The following TANGO2 variants were observed in gnomAD, a reference collection of about 807,000 sequenced individuals.
TANGO2 encodes the protein transport and Golgi organization protein 2 homolog.
Under a neutral mutation model 39.1 loss-of-function variants are expected in TANGO2, and 26 were observed. That is an observed-to-expected ratio of 0.67 (90% CI 0.49 to 0.92). The LOEUF (loss-of-function observed/expected upper bound fraction) is 0.92. Among genes scored for constraint, TANGO2 ranks in the 40% least tolerant of loss-of-function variants. TANGO2 has a pLI of 0.00. For missense variants in TANGO2, 326 were observed against 360.1 expected (o/e 0.91, Z 0.77); for synonymous variants, 131 against 144.5 (o/e 0.91, Z 0.67).
intron 3 of TANGO2, among the ~76,000 whole-genome samples, chr22:20,051,865 G>A (rs1013164974): frequency 6.6e-6 from 1 of 152,208 alleles, no homozygotes; most frequent in Non-Finnish European, 1.5e-5. Context: ...AATAAAAAAT[G>A]AAATAAAATA....
intron 1 of TANGO2, among the ~76,000 whole-genome samples, chr22:20,032,336 C>G (rs528988643): frequency 8.1e-4 from 123 of 152,382 alleles, no homozygotes; most frequent in African/African-American, 2.9e-3. Context: ...TGCAGGCTGC[C>G]CTGGTGGTCT....
rs145875409 is a variant in TANGO2, at chr22:20,056,283, C to T, written c.451+270C>T. ...TCCCACCGCAGCCCTGCAGCCCAGC[C>T]GGCCACCCCCAGCCTCACTTCCTGT... On this transcript the variant is annotated intron_variant, in intron 6 of 8. Transcript: ENST00000327374. 747 of 652,620 alleles carry T rather than the reference C, an allele frequency of 1.1e-3. 3 individuals are homozygous for T. In the Middle Eastern group the frequency reaches 0.014, roughly 13 times the overall value. 40.4% of individuals were successfully genotyped at this position (652,620 alleles called of 1,614,324 possible).
Position 20,064,633 on chromosome 22 carries a change from A to G in TANGO2, c.802A>G (p.Arg268Gly). The change falls in exon 9 of 9, where the codon AGA (arginine) becomes GGA (glycine). Residue 268 changes from arginine (R) to glycine (G), a missense_variant. Physicochemically the swap from Arg to Gly is moderately radical, Grantham distance 125. Transcript: ENST00000327374. ...MDKDLSHWET[R>G]TYEFTLQS is the part of the protein sequence containing the mutation. ...CAAGGACCTCTCCCACTGGGAGACC[A>G]GAACCTATGAGTTCACACTGCAGAG... 3.7e-6 allele frequency: 6 copies of G among 1,614,194 alleles called. No homozygotes were observed. Among genetic ancestry groups the G allele is most frequent in the Non-Finnish European group, 5.1e-6 (6 of 1,180,006 alleles).
At chr22:20,022,682 T>C (rs1394012431) in intron 1 of TANGO2, among the ~76,000 whole-genome samples, 1 of 152,264 alleles carries the variant, frequency 6.6e-6, no homozygotes, top group Non-Finnish European at 1.5e-5. Flanking sequence ...AACTTGATCC[T>C]GTGCCCGGCT....
upstream of TANGO2, among the ~76,000 whole-genome samples, chr22:20,017,812 A>G (rs115340056): frequency 6.6e-6 from 1 of 152,158 alleles, no homozygotes; most frequent in South Asian, 2.1e-4. Context: ...GTAGGGGGGA[A>G]CCAGCAGGGA....
In TANGO2 at chr22:20,033,260, C is replaced by T. The variant is rs118069980; in HGVS notation, c.-39-3500C>T. On this transcript the variant is annotated intron_variant, in intron 1 of 8. Transcript: ENST00000327374. ...GTCGAGGCCACAGCCCTTGGCTCTG[C>T]GCCCACACCTCCAGTGCCAGGCTGT... 687 of 523,540 alleles carry T rather than the reference C, an allele frequency of 1.3e-3. 2 individuals carry two copies. In the East Asian group the frequency reaches 0.022, roughly 17 times the overall value. 32.4% of individuals were successfully genotyped at this position (523,540 alleles called of 1,614,324 possible). A position where few individuals can be genotyped will look rare whatever the true frequency, so the allele number is the denominator to read the frequency against.
chr22:20,036,899 G>A, intron 2 of TANGO2, 45 bp downstream of exon 2: 1 of 1,614,232 alleles, frequency 6.2e-7, no homozygotes, highest in Non-Finnish European at 8.5e-7. Flanking sequence ...AGGGTCCTGG[G>A]TGCCCAGCCA....
chr22:20,021,648 C>A (rs948584985), intron 1 of TANGO2, among the ~76,000 whole-genome samples: 2 of 152,340 alleles, frequency 1.3e-5, no homozygotes, highest in Admixed American at 1.3e-4. Context: ...CGCCTGGATG[C>A]GGCCTTCCTG....
chr22:20,063,730 C>G (rs1180484716), intron 8 of TANGO2: 1 of 373,348 alleles, frequency 2.7e-6, no homozygotes, highest in East Asian at 4.4e-5. Flanking sequence ...CGCCCCGGCA[C>G]CATGGCACTA....
intron 1 of TANGO2, among the ~76,000 whole-genome samples, chr22:20,033,965 G>T (rs2042353670): frequency 6.6e-6 from 1 of 152,214 alleles, no homozygotes; most frequent in Non-Finnish European, 1.5e-5. Flanking sequence ...TAACACTTTG[G>T]GAGGCCGAGG....
intron 6 of TANGO2, 124 bp from the exon 7 acceptor site, chr22:20,061,406 G>T (rs920167806): frequency 8.9e-7 from 1 of 1,121,078 alleles, no homozygotes; most frequent in Non-Finnish European, 1.2e-6. Context: ...GGAGCGGCTT[G>T]GCCTCAGTCT....
chr22:20,056,039 G>A, intron 6 of TANGO2, 26 bp downstream of exon 6: 1 of 1,596,238 alleles, frequency 6.3e-7, no homozygotes, highest in South Asian at 1.1e-5. Context: ...CAGCCTGATG[G>A]GGTGGGGGAC....
intron 1 of TANGO2, among the ~76,000 whole-genome samples, chr22:20,030,503 C>G (rs975799823): frequency 1.3e-5 from 2 of 152,156 alleles, no homozygotes; most frequent in Non-Finnish European, 2.9e-5. Context: ...CCCGCCACCA[C>G]GCCCGGCTAA....
intron 3 of TANGO2, among the ~76,000 whole-genome samples, chr22:20,051,849 C>CA (rs1402854455): frequency 1.3e-5 from 2 of 151,672 alleles, no homozygotes; most frequent in Non-Finnish European, 2.9e-5. Context: ...GACTCTGTCT[C>CA]AAAAAAATAA....
chr22:20,047,497 A>G (rs1219286978), intron 3 of TANGO2, among the ~76,000 whole-genome samples: 1 of 151,970 alleles, frequency 6.6e-6, no homozygotes, highest in African/African-American at 2.4e-5. Context: ...AGCCTCCCAA[A>G]ATGCTGAGAT....
chr22:20,043,639 G>A (rs543143927), intron 3 of TANGO2, among the ~76,000 whole-genome samples, 196 bp downstream of exon 3: 2 of 152,292 alleles, frequency 1.3e-5, no homozygotes, highest in South Asian at 2.1e-4. Flanking sequence ...CACTGTCTGC[G>A]TGGCTTCCTG....
chr22:20,026,917 A>C (rs550919208), intron 1 of TANGO2, among the ~76,000 whole-genome samples: 3 of 152,162 alleles, frequency 2.0e-5, no homozygotes, highest in Non-Finnish European at 4.4e-5. Context: ...TCTTGCGTCT[A>C]TCCTAGGAAT....
At chr22:20,017,977 CA>C (rs1243009473), upstream of TANGO2, among the ~76,000 whole-genome samples, 1 of 152,222 alleles carries the variant, frequency 6.6e-6, no homozygotes, top group Non-Finnish European at 1.5e-5. Context: ...CCTGGGGAAC[CA>C]AACTGCCCAC....
chr22:20,036,023 C>T (rs145593904), intron 1 of TANGO2, among the ~76,000 whole-genome samples: 125 of 152,294 alleles, frequency 8.2e-4, no homozygotes, highest in African/African-American at 2.9e-3. Flanking sequence ...TGAAAGTTTA[C>T]TAGCCTGCAA....
Sources: gnomAD v4.1 joint callset for allele counts (sites outside exome capture counted in the v4.1 genomes callset) on GRCh38, gnomAD v4.1.1 for gene constraint, MANE v1.5 for transcripts, NCBI Gene and HGNC (gene_info 2026-07-23, HGNC 2026-07-21) for gene names.